The following PARP8 variants were observed in gnomAD, a reference collection of about 807,000 sequenced individuals.
PARP8 encodes the protein poly(ADP-ribose) polymerase family member 8, also known as protein mono-ADP-ribosyltransferase PARP8.
Under a neutral mutation model 124.1 loss-of-function variants are expected in PARP8, and 51 were observed. The observed-to-expected ratio is 0.41, with a 90% CI of 0.33 to 0.52. PARP8 has a LOEUF of 0.52. Among genes scored for constraint, PARP8 ranks in the 20% least tolerant of loss-of-function variants. PARP8 has a pLI of 0.21. For missense variants in PARP8, 860 were observed against 1,018.9 expected (o/e 0.84, Z 2.12); for synonymous variants, 391 against 361.5 (o/e 1.08, Z -0.93).
At chr5:50,747,921 T>C (rs777820989) in intron 2 of PARP8, among the ~76,000 whole-genome samples, 43 of 151,842 alleles carry the variant, frequency 2.8e-4, no homozygotes, top group Non-Finnish European at 4.0e-4. Context: ...TACAGGCGCC[T>C]GCCACCGCGC....
intron 2 of PARP8, among the ~76,000 whole-genome samples, chr5:50,713,943 G>A (rs1755036401): frequency 6.6e-6 from 1 of 152,038 alleles, no homozygotes; most frequent in Non-Finnish European, 1.5e-5. Context: ...TGGAGCTCCT[G>A]GCAGGAATGT....
intron 2 of PARP8, among the ~76,000 whole-genome samples, chr5:50,712,691 A>C (rs1272907926): frequency 6.6e-6 from 1 of 152,108 alleles, no homozygotes; most frequent in Non-Finnish European, 1.5e-5. Context: ...CAAACATTAT[A>C]GTATAATGTC....
intron 2 of PARP8, among the ~76,000 whole-genome samples, chr5:50,675,274 G>T (rs1248111659): frequency 6.6e-6 from 1 of 152,198 alleles, no homozygotes; most frequent in Non-Finnish European, 1.5e-5. Context: ...CTGAAGTGCT[G>T]TAGTTATTTG....
intron 2 of PARP8, among the ~76,000 whole-genome samples, chr5:50,722,692 A>T (rs1756021530): frequency 6.6e-6 from 1 of 152,160 alleles, no homozygotes; most frequent in East Asian, 1.9e-4. Context: ...TTTGGTGAAA[A>T]TAGAGTGTTG....
chr5:50,804,364 A>G (rs1028646312), intron 14 of PARP8, among the ~76,000 whole-genome samples: 1 of 152,154 alleles, frequency 6.6e-6, no homozygotes, highest in Non-Finnish European at 1.5e-5. Context: ...ATTATTGGAA[A>G]TACAGGGCAT....
At chr5:50,668,165 C>T in intron 2 of PARP8, 40 bp downstream of exon 2, 2 of 1,502,882 alleles carry the variant, frequency 1.3e-6, no homozygotes, top group African/African-American at 2.8e-5. Flanking sequence ...CCTGTTCACA[C>T]TCTTGTGTTT....
intron 2 of PARP8, among the ~76,000 whole-genome samples, chr5:50,743,463 T>C (rs1758251788): frequency 6.6e-6 from 1 of 151,978 alleles, no homozygotes; most frequent in African/African-American, 2.4e-5. Context: ...GACACTAGAG[T>C]TGGGTCTGGA....
intron 10 of PARP8, among the ~76,000 whole-genome samples, chr5:50,789,422 C>A (rs1741693069): frequency 6.6e-6 from 1 of 152,036 alleles, no homozygotes; most frequent in Non-Finnish European, 1.5e-5. Context: ...AACTTTGGGA[C>A]CCACTGGCCT....
intron 14 of PARP8, among the ~76,000 whole-genome samples, chr5:50,799,377 G>C (rs1467362750): frequency 6.6e-6 from 1 of 152,094 alleles, no homozygotes; most frequent in African/African-American, 2.4e-5. Flanking sequence ...TTTGACTATA[G>C]ATGTTTTGGT....
rs201764927 is a variant in PARP8, at chr5:50,832,815, C to T, written c.2268C>T (p.Asp756=). 9.9e-6 allele frequency: 16 copies of T among 1,613,422 alleles called. No individual in the cohort carries two copies. Among genetic ancestry groups the T allele is most frequent in the South Asian group, 6.6e-5 (6 of 91,078 alleles). Residue 756 remains aspartate (D), a synonymous_variant, in exon 23 of 26, where the codon GAC becomes GAT. Transcript: ENST00000281631. The part of the protein sequence containing the change: ...MNKKQKVSAK[D]EPASSSKSSN... ...AGAAACAGAAGGTGTCAGCCAAGGA[C>T]GAGCCAGCTTCAAGCAGTAAAAGCA...
At chr5:50,676,568 A>G (rs1750664210) in intron 2 of PARP8, among the ~76,000 whole-genome samples, 1 of 152,226 alleles carries the variant, frequency 6.6e-6, no homozygotes, top group Non-Finnish European at 1.5e-5. Flanking sequence ...GATTCTGTGT[A>G]GCAGAAGTAC....
At position 50,778,556 on chromosome 5, in the gene PARP8, G is replaced by T; in HGVS notation, c.580-4G>T. On this transcript the variant is annotated splice_polypyrimidine_tract_variant and splice_region_variant and intron_variant, in intron 8 of 25. Transcript: ENST00000281631. ...TAATTCATCTTTTAAATATATTTGT[G>T]CAGGAGGAGATTGCTGTGGCTTGGG... The T allele has an allele frequency of 6.3e-7, 1 of 1,591,642 alleles. No individual in the cohort carries two copies.
At chr5:50,819,467 T>G (rs574471328) in intron 15 of PARP8, among the ~76,000 whole-genome samples, 38 of 127,154 alleles carry the variant, frequency 3.0e-4, no homozygotes, top group African/African-American at 1.1e-3. Flanking sequence ...TGAGACGGAG[T>G]TTTGCTCTTG....
intron 2 of PARP8, among the ~76,000 whole-genome samples, chr5:50,714,718 C>T (rs1269333953): frequency 6.6e-6 from 1 of 152,120 alleles, no homozygotes; most frequent in Non-Finnish European, 1.5e-5. Flanking sequence ...AGCAGTCACA[C>T]AGAGAAGGAA....
Position 50,827,968 on chromosome 5 carries a change from C to T in PARP8, c.2002C>T (p.His668Tyr). The T allele has an allele frequency of 6.2e-7, 1 of 1,613,312 alleles. No individual in the cohort carries two copies. The highest frequency in any genetic ancestry group is 8.5e-7 in the Non-Finnish European group (1 of 1,179,346). The change falls in exon 20 of 26, where the codon CAT (histidine) becomes TAT (tyrosine). Residue 668 changes from histidine (H) to tyrosine (Y), a missense_variant. By Grantham distance (83) the His-to-Tyr change is moderately conservative (BLOSUM62 2). Transcript: ENST00000281631. ...NRQLKFMHTP[H>Y]QFLLLSSPPA... ...GCAATTGAAGTTTATGCATACTCCA[C>T]ATCAGTTCCTTCTTCTCAGCAGTCC...
intron 2 of PARP8, among the ~76,000 whole-genome samples, chr5:50,688,746 T>C (rs1752151348): frequency 6.6e-6 from 1 of 152,226 alleles, no homozygotes; most frequent in Admixed American, 6.5e-5. Context: ...TGAAGTATTA[T>C]AGTATTTAAA....
chr5:50,669,892 CT>C (rs1749804859), intron 2 of PARP8, among the ~76,000 whole-genome samples: 1 of 152,156 alleles, frequency 6.6e-6, no homozygotes, highest in Non-Finnish European at 1.5e-5. Flanking sequence ...GTACCTGAGC[CT>C]TTTATATCTA....
chr5:50,805,826 T>G (rs1407954946), intron 14 of PARP8, among the ~76,000 whole-genome samples: 1 of 152,090 alleles, frequency 6.6e-6, no homozygotes, highest in Admixed American at 6.6e-5. Flanking sequence ...AGAGATATGT[T>G]ATTCTGAAAC....
rs568397791 is a variant in PARP8 at position 50,762,064 on chromosome 5, T to G, written c.423+166T>G. ...TCTTTGCACATTTTCTACCTATTTT[T>G]AGAAATTAAGGTTCCCCTGCAGTCC... On this transcript the variant is annotated intron_variant, in intron 6 of 25. Coordinates refer to ENST00000281631, the MANE Select transcript of PARP8 (RefSeq NM_024615.4). 5.6e-4 allele frequency among the ~76,000 whole-genome samples: 85 copies of G among 152,268 alleles called. 1 individual carries two copies. The highest frequency in any genetic ancestry group is 2.0e-3 in the African/African-American group (84 of 41,572).
Sources: gnomAD v4.1 joint callset for allele counts (sites outside exome capture counted in the v4.1 genomes callset) on GRCh38, gnomAD v4.1.1 for gene constraint, MANE v1.5 for transcripts, NCBI Gene and HGNC (gene_info 2026-07-23, HGNC 2026-07-21) for gene names.